Variants in EYS observed in about 807,000 individuals in gnomAD.
EYS encodes protein eyes shut homolog.
A neutral mutation model predicts 282.1 loss-of-function variants in EYS; 250 were observed. That is an observed-to-expected ratio of 0.89 (90% confidence interval 0.80 to 0.98). The LOEUF (loss-of-function observed/expected upper bound fraction) is 0.98. EYS is among the 50% of genes least tolerant of loss of function. EYS has a pLI of 0.00. For missense variants in EYS, 4,016 were observed against 3,709.0 expected, an observed-to-expected ratio of 1.08 and a Z score of -2.15; for synonymous variants, 1,355 against 1,282.9, an observed-to-expected ratio of 1.06 and a Z score of -1.20.
chr6:63,782,383 A>G (rs905014149), intron 39 of EYS, among the ~76,000 whole-genome samples: 3 of 152,034 alleles, frequency 2.0e-5, no homozygotes, highest in African/African-American at 7.2e-5. Context: ...CTGGTCCTGG[A>G]CTTTTTTGGG....
chr6:64,575,462 G>C (rs921936074), intron 26 of EYS, among the ~76,000 whole-genome samples: 1 of 152,128 alleles, frequency 6.6e-6, no homozygotes, highest in Non-Finnish European at 1.5e-5. Flanking sequence ...GGAAGGAAGA[G>C]ACAGCTTCAT....
chr6:64,748,385 C>T (rs1289582350), intron 22 of EYS, among the ~76,000 whole-genome samples: 1 of 152,180 alleles, frequency 6.6e-6, no homozygotes, highest in East Asian at 1.9e-4. Flanking sequence ...TTTCATTACA[C>T]CTCAGATTGG....
intron 28 of EYS, among the ~76,000 whole-genome samples, chr6:64,394,803 C>G (rs1465293451): frequency 6.6e-6 from 1 of 152,048 alleles, no homozygotes; most frequent in Non-Finnish European, 1.5e-5. Context: ...AACTAAAGAG[C>G]TTCTGCACAG....
intron 12 of EYS, among the ~76,000 whole-genome samples, chr6:65,271,923 G>A (rs958542923): frequency 6.6e-6 from 1 of 152,100 alleles, no homozygotes; most frequent in East Asian, 1.9e-4. Flanking sequence ...GAGACCATGA[G>A]CTCTACCTTC....
chr6:63,926,452 A>T (rs1214208461), intron 35 of EYS, among the ~76,000 whole-genome samples: 2 of 152,208 alleles, frequency 1.3e-5, no homozygotes. Context: ...CAGTGCATTT[A>T]ATGGGCTCAG....
intron 2 of EYS, among the ~76,000 whole-genome samples, chr6:65,513,807 A>ATT (rs1412772829): frequency 6.6e-6 from 1 of 152,106 alleles, no homozygotes; most frequent in Non-Finnish European, 1.5e-5. Context: ...AATAAGAGCT[A>ATT]TCTATGACAA....
Position 64,169,626 on chromosome 6 carries a change from C to T in EYS, c.6424+60966G>A, listed in dbSNP as rs539401528. Among the ~76,000 whole-genome samples, 102 of 152,130 alleles carry T rather than the reference C, an allele frequency of 6.7e-4. 1 individual carries two copies. The highest frequency in any genetic ancestry group is 2.4e-3 in the African/African-American group (100 of 41,502). ...TGGAGACCTTTTGTTAAGGTGTTAG[C>T]CCATGATTACTTCTCATGGCAAAAG... On this transcript the variant is annotated intron_variant, in intron 31 of 42. Transcript: ENST00000503581.
chr6:65,240,184 G>T (rs1767022999), intron 12 of EYS, among the ~76,000 whole-genome samples: 1 of 151,966 alleles, frequency 6.6e-6, no homozygotes, highest in South Asian at 2.1e-4. Context: ...TAGTCAGGAT[G>T]GTCTTGATCT....
At chr6:63,789,760 C>G (rs997773552) in intron 37 of EYS, among the ~76,000 whole-genome samples, 1 of 152,204 alleles carries the variant, frequency 6.6e-6, no homozygotes, top group Non-Finnish European at 1.5e-5. Context: ...TCTGTGTTCC[C>G]TCTTCTCTCT....
At chr6:64,970,365 T>C (rs538105613) in intron 14 of EYS, among the ~76,000 whole-genome samples, 6 of 152,228 alleles carry the variant, frequency 3.9e-5, no homozygotes, top group African/African-American at 1.2e-4. Context: ...GCCCGGCTAA[T>C]TTTTATATTT....
chr6:64,074,962 A>T (rs1484427769), intron 32 of EYS, among the ~76,000 whole-genome samples: 1 of 151,934 alleles, frequency 6.6e-6, no homozygotes, highest in African/African-American at 2.4e-5. Flanking sequence ...TTGGGTTCAA[A>T]TCTATCCTTG....
chr6:64,460,325 A>C (rs1378156134), intron 26 of EYS, among the ~76,000 whole-genome samples: 2 of 152,228 alleles, frequency 1.3e-5, no homozygotes, highest in Non-Finnish European at 2.9e-5. Context: ...AACAAGATCT[A>C]AAAGTTGATC....
At chr6:65,350,939 C>T (rs1298416140) in intron 9 of EYS, among the ~76,000 whole-genome samples, 2 of 151,484 alleles carry the variant, frequency 1.3e-5, no homozygotes, top group Non-Finnish European at 3.0e-5. Context: ...ATTAATGCAC[C>T]CCATGCAAAA....
At chr6:63,971,831 T>A (rs1766590419) in intron 35 of EYS, among the ~76,000 whole-genome samples, 1 of 152,210 alleles carries the variant, frequency 6.6e-6, no homozygotes, top group Non-Finnish European at 1.5e-5. Context: ...ATTGTATTTG[T>A]CATAAGTTCT....
At chr6:65,597,956 T>C (rs1225029768) in intron 2 of EYS, among the ~76,000 whole-genome samples, 2 of 151,762 alleles carry the variant, frequency 1.3e-5, no homozygotes, top group Non-Finnish European at 2.9e-5. Context: ...AAAAGTTAAC[T>C]GGACATGGTG....
At chr6:65,007,298 A>G (rs13193331) in intron 13 of EYS, among the ~76,000 whole-genome samples, 39,897 of 151,802 alleles carry the variant, frequency 0.26, 6,430 homozygotes, top group African/African-American at 0.45. Flanking sequence ...GATGGGAAAC[A>G]TTTCCCCCAA....
intron 13 of EYS, among the ~76,000 whole-genome samples, chr6:65,006,662 A>G (rs2150130595): frequency 6.6e-6 from 1 of 152,326 alleles, no homozygotes. Context: ...TAATTACCAT[A>G]CAAAGGTCCG....
intron 2 of EYS, among the ~76,000 whole-genome samples, chr6:65,597,199 G>T (rs1765439810): frequency 6.6e-6 from 1 of 151,998 alleles, no homozygotes; most frequent in Non-Finnish European, 1.5e-5. Context: ...TAATTGTAGG[G>T]CTCTCCTGTG....
chr6:63,819,797 C>G (rs1401283772), intron 36 of EYS, among the ~76,000 whole-genome samples: 1 of 152,084 alleles, frequency 6.6e-6, no homozygotes, highest in Non-Finnish European at 1.5e-5. Context: ...AGAACCATGA[C>G]TAGTAGGGAA....
Sources: allele counts gnomAD v4.1 joint callset (sites outside exome capture counted in the v4.1 genomes callset), GRCh38; gene constraint gnomAD v4.1.1; transcripts MANE v1.5; gene names NCBI Gene and HGNC (gene_info 2026-07-23, HGNC 2026-07-21).